PTBP3: variants seen among roughly 807,000 people sequenced by gnomAD.
The protein encoded by PTBP3 is polypyrimidine tract-binding protein 3.
PTBP3 carries 20 observed loss-of-function variants against 58.7 expected under a neutral mutation model. The ratio of observed to expected loss-of-function variants is 0.34; its 90% CI spans 0.24 to 0.50. PTBP3 has a LOEUF of 0.50. PTBP3 is among the 20% of genes least tolerant of loss of function. PTBP3 has a pLI of 0.98. For missense variants in PTBP3, 509 were observed against 637.2 expected (o/e 0.80, Z 2.17); for synonymous variants, 185 against 219.8 (o/e 0.84, Z 1.40).
chr9:112,372,732 T>G, the PTBP3 span, among the ~76,000 whole-genome samples: 4 of 152,212 alleles, frequency 2.6e-5, no homozygotes, highest in Non-Finnish European at 5.9e-5. Flanking sequence ...TATTTTAGCA[T>G]GTATCAGTAC....
intron 2 of PTBP3, among the ~76,000 whole-genome samples, chr9:112,294,130 A>G (rs1392312951): frequency 6.6e-6 from 1 of 152,210 alleles, no homozygotes; most frequent in Admixed American, 6.5e-5. Context: ...CAGAAGCACA[A>G]AAGATGATGG....
chr9:112,335,605 TTTTTTTTTTTTTTTC>T (rs1244838090), upstream of PTBP3, among the ~76,000 whole-genome samples: 1 of 140,964 alleles, frequency 7.1e-6, no homozygotes, highest in African/African-American at 2.6e-5. Flanking sequence ...TTTTCTTTTT[TTTTTTTTTTTTTTTC>T]ACCTAAAAAT....
the PTBP3 span, among the ~76,000 whole-genome samples, chr9:112,373,264 G>A: frequency 2.0e-5 from 3 of 152,204 alleles, no homozygotes; most frequent in Admixed American, 2.0e-4. Context: ...ACAAGCTGAG[G>A]AACAAGGAGA....
intron 5 of PTBP3, among the ~76,000 whole-genome samples, chr9:112,257,997 A>G (rs939736230): frequency 6.6e-6 from 1 of 151,946 alleles, no homozygotes; most frequent in Non-Finnish European, 1.5e-5. Flanking sequence ...TTTAGTATCA[A>G]GCACACTGGC....
chr9:112,262,584 G>C lies in PTBP3; in HGVS notation c.367C>G (p.Leu123Val). The C allele has an allele frequency of 6.2e-7, 1 of 1,601,776 alleles. No homozygotes were observed. Among genetic ancestry groups the C allele is most frequent in the Non-Finnish European group, 8.5e-7 (1 of 1,175,426 alleles). The change falls in exon 5 of 14, where the codon CTG (leucine) becomes GTG (valine). Residue 123 changes from leucine (L) to valine (V), a missense_variant. Leu to Val is a conservative substitution (Grantham distance 32). This residue lies in a region of PTBP3 where 212 missense variants were observed against 215.3 expected (regional missense o/e 0.98). Transcript: ENST00000374257. Reference protein sequence around the residue: ...LPNQARAQAALQAVSAVQSGS... With the variant: ...LPNQARAQAAVQAVSAVQSGS... Reference sequence around the variant, plus strand: ...GATTGGACGGCACTGACAGCCTGCAGTGCAGCTTGGGCTCGCTATAGAACA... The same window carrying C: ...GATTGGACGGCACTGACAGCCTGCACTGCAGCTTGGGCTCGCTATAGAACA...
intron 1 of PTBP3, among the ~76,000 whole-genome samples, chr9:112,302,320 T>C (rs1828971075): frequency 6.6e-6 from 1 of 152,106 alleles, no homozygotes; most frequent in Admixed American, 6.6e-5. Context: ...GAAAAAAGAA[T>C]ACGGCAGTAT....
At chr9:112,297,061 T>C (rs1828719224) in intron 2 of PTBP3, among the ~76,000 whole-genome samples, 1 of 152,182 alleles carries the variant, frequency 6.6e-6, no homozygotes, top group Non-Finnish European at 1.5e-5. Flanking sequence ...AGTACTGCAC[T>C]CCTTCAATTC....
At chr9:112,266,270 T>C (rs758486480) in intron 4 of PTBP3, among the ~76,000 whole-genome samples, 12 of 152,242 alleles carry the variant, frequency 7.9e-5, no homozygotes, top group South Asian at 4.1e-4. Context: ...TTTTATGTCA[T>C]GTATATTTTA....
the PTBP3 span, among the ~76,000 whole-genome samples, chr9:112,376,464 G>C: frequency 3.3e-5 from 5 of 151,894 alleles, no homozygotes; most frequent in African/African-American, 9.7e-5. Context: ...ACGTTGGCCA[G>C]GATGGTCTCC....
the PTBP3 span, among the ~76,000 whole-genome samples, chr9:112,368,881 T>G: frequency 3.3e-5 from 5 of 152,200 alleles, no homozygotes; most frequent in African/African-American, 1.2e-4. Context: ...AAAGAAATGG[T>G]TTCATGGGCC....
At chr9:112,360,779 C>CTT in the PTBP3 span, among the ~76,000 whole-genome samples, 1 of 147,196 alleles carries the variant, frequency 6.8e-6, no homozygotes, top group African/African-American at 2.5e-5. Context: ...TTAGAATCAA[C>CTT]TTTTTTTTTT....
chr9:112,361,168 C>T, the PTBP3 span, among the ~76,000 whole-genome samples: 1 of 152,138 alleles, frequency 6.6e-6, no homozygotes, highest in Non-Finnish European at 1.5e-5. Flanking sequence ...GAGATCTTGG[C>T]TTACTGAAAC....
At chr9:112,294,054 G>C (rs1828561060) in intron 2 of PTBP3, among the ~76,000 whole-genome samples, 1 of 151,904 alleles carries the variant, frequency 6.6e-6, no homozygotes, top group African/African-American at 2.4e-5. Context: ...TGCAATAATG[G>C]GTCAACATCA....
At chr9:112,272,812 C>G (rs1223519077) in intron 3 of PTBP3, 1 of 152,110 alleles carries the variant, frequency 6.6e-6, no homozygotes, top group Non-Finnish European at 1.5e-5. Context: ...ATCCTTGAGG[C>G]AAGTGCCACC....
chr9:112,343,649 G>T, the PTBP3 span, among the ~76,000 whole-genome samples: 2 of 151,820 alleles, frequency 1.3e-5, no homozygotes, highest in African/African-American at 2.4e-5. Context: ...AAATTAGCTG[G>T]GTGTGGTGGT....
chr9:112,236,291 G>A (rs774736266), intron 7 of PTBP3, among the ~76,000 whole-genome samples: 8 of 152,162 alleles, frequency 5.3e-5, no homozygotes, highest in Admixed American at 1.3e-4. Flanking sequence ...AATAACTGAT[G>A]AAGTAAGAAG....
chr9:112,362,014 T>C, the PTBP3 span, among the ~76,000 whole-genome samples: 1 of 152,246 alleles, frequency 6.6e-6, no homozygotes, highest in Non-Finnish European at 1.5e-5. Context: ...TTTCATGTGC[T>C]TGTTGCCATT....
At chr9:112,224,495 T>A (rs932287167) in intron 12 of PTBP3, among the ~76,000 whole-genome samples, 1 of 152,228 alleles carries the variant, frequency 6.6e-6, no homozygotes, top group Non-Finnish European at 1.5e-5. Context: ...GCCTGGAATC[T>A]ATATTTATTC....
downstream of PTBP3, chr9:112,217,942 AG>A (rs1834677744): frequency 6.6e-6 from 1 of 152,256 alleles, no homozygotes; most frequent in Non-Finnish European, 1.5e-5. Context: ...ATGTAGCATC[AG>A]CTAGTATCTG....
Sources: allele counts gnomAD v4.1 joint callset (sites outside exome capture counted in the v4.1 genomes callset), GRCh38; gene constraint gnomAD v4.1.1; regional missense constraint gnomAD v4.1.1; transcripts MANE v1.5; gene names NCBI Gene and HGNC (gene_info 2026-07-23, HGNC 2026-07-21).